The following RAB38 variants were observed in gnomAD, a reference collection of about 807,000 sequenced individuals.
RAB38 encodes ras-related protein Rab-38.
In RAB38, 15 loss-of-function variants were observed where a neutral mutation model predicts 18.4. That is an observed-to-expected ratio of 0.82 (90% CI 0.55 to 1.26). The LOEUF (loss-of-function observed/expected upper bound fraction) is 1.26. RAB38 is among the 50% of genes most tolerant of loss of function. The pLI, the probability that RAB38 is intolerant of heterozygous loss-of-function variation, is 0.00. For synonymous variants in RAB38, 101 were observed against 104.4 expected (o/e 0.97, Z 0.20); for missense variants, 294 against 267.4 (o/e 1.10, Z -0.69).
At chr11:88,045,997 A>G in the RAB38 span, among the ~76,000 whole-genome samples, 6 of 152,226 alleles carry the variant, frequency 3.9e-5, no homozygotes, top group Middle Eastern at 3.4e-3. Context: ...CCTGGGCTAC[A>G]GCCACACCTC....
the RAB38 span, among the ~76,000 whole-genome samples, chr11:87,946,720 T>G: frequency 1.3e-5 from 2 of 152,202 alleles, no homozygotes; most frequent in Non-Finnish European, 2.9e-5. Context: ...GGACATGAAC[T>G]CATCATTTTC....
At chr11:88,037,817 A>T in the RAB38 span, among the ~76,000 whole-genome samples, 5 of 152,154 alleles carry the variant, frequency 3.3e-5, no homozygotes, top group African/African-American at 1.2e-4. Context: ...ACTTGCATAT[A>T]CTTTTACTGT....
the RAB38 span, among the ~76,000 whole-genome samples, chr11:87,886,498 G>A: frequency 2.6e-5 from 4 of 151,840 alleles, no homozygotes; most frequent in Non-Finnish European, 5.9e-5. Context: ...GCTGCAAACG[G>A]GATTGTTTTC....
chr11:88,124,649 T>A (rs951370552), intron 2 of RAB38, among the ~76,000 whole-genome samples: 1 of 152,226 alleles, frequency 6.6e-6, no homozygotes, highest in South Asian at 2.1e-4. Context: ...CACAGTCAGA[T>A]AACAACTCAT....
chr11:88,021,288 A>C, the RAB38 span, among the ~76,000 whole-genome samples: 2 of 152,214 alleles, frequency 1.3e-5, no homozygotes, highest in Non-Finnish European at 2.9e-5. Flanking sequence ...TCAAAGGATC[A>C]TTAGTGGCTG....
chr11:88,152,213 T>C (rs947444876), intron 1 of RAB38, among the ~76,000 whole-genome samples: 2 of 152,248 alleles, frequency 1.3e-5, no homozygotes, highest in Non-Finnish European at 2.9e-5. Flanking sequence ...GGATGTCTTA[T>C]GATCTCTTTC....
chr11:88,074,977 T>C, the RAB38 span, among the ~76,000 whole-genome samples: 1 of 152,114 alleles, frequency 6.6e-6, no homozygotes, highest in East Asian at 1.9e-4. Flanking sequence ...TATATAATGA[T>C]AAAGGAGTCA....
chr11:88,125,057 T>C (rs1258599092), intron 2 of RAB38, among the ~76,000 whole-genome samples: 1 of 152,238 alleles, frequency 6.6e-6, no homozygotes, highest in Non-Finnish European at 1.5e-5. Context: ...GTTCATGTCC[T>C]GTGTAGTCTT....
At chr11:87,821,808 G>A in the RAB38 span, among the ~76,000 whole-genome samples, 2 of 148,434 alleles carry the variant, frequency 1.3e-5, no homozygotes, top group Non-Finnish European at 3.0e-5. Context: ...CCGAGATCCC[G>A]CCACTTCACT....
chr11:88,103,356 A>G, the RAB38 span, among the ~76,000 whole-genome samples: 1,009 of 150,486 alleles, frequency 6.7e-3, 8 homozygotes, highest in African/African-American at 0.023. Flanking sequence ...ATAAAAGTAG[A>G]GTCTTCTGAC....
the RAB38 span, among the ~76,000 whole-genome samples, chr11:87,939,793 G>T: frequency 3.9e-5 from 6 of 152,154 alleles, no homozygotes; most frequent in African/African-American, 1.2e-4. Context: ...TCAGGAGGCT[G>T]AGGTGGGAGG....
chr11:88,097,311 T>C, the RAB38 span, among the ~76,000 whole-genome samples: 1 of 151,924 alleles, frequency 6.6e-6, no homozygotes. Flanking sequence ...ATCTACCTGA[T>C]TGTGAGCTAA....
At chr11:88,158,713 A>C (rs1008899795) in intron 1 of RAB38, among the ~76,000 whole-genome samples, 2 of 152,164 alleles carry the variant, frequency 1.3e-5, no homozygotes, top group African/African-American at 4.8e-5. Context: ...GATAAAATCC[A>C]ACATCCCTTC....
chr11:87,912,738 C>T, the RAB38 span, among the ~76,000 whole-genome samples: 1 of 120,708 alleles, frequency 8.3e-6, no homozygotes, highest in South Asian at 2.7e-4. Context: ...CTTTTTTCTA[C>T]TTACTTTGGG....
chr11:87,900,827 TGAAG>T, the RAB38 span, among the ~76,000 whole-genome samples: 3 of 142,306 alleles, frequency 2.1e-5, no homozygotes, highest in South Asian at 6.7e-4. Context: ...AGGAAAGAAA[TGAAG>T]GAAGGAAAGG....
chr11:87,953,385 A>G, the RAB38 span, among the ~76,000 whole-genome samples: 2 of 151,744 alleles, frequency 1.3e-5, no homozygotes, highest in Non-Finnish European at 2.9e-5. Context: ...AAGTGCCTGG[A>G]TAGCAACTCT....
chr11:87,831,394 T>TA, the RAB38 span, among the ~76,000 whole-genome samples: 2 of 152,100 alleles, frequency 1.3e-5, no homozygotes, highest in African/African-American at 4.8e-5. Flanking sequence ...ATAGACTAAA[T>TA]AAGTGCCAAA....
chr11:88,086,066 T>C, the RAB38 span, among the ~76,000 whole-genome samples: 1 of 151,902 alleles, frequency 6.6e-6, no homozygotes, highest in Admixed American at 6.6e-5. Context: ...AGCTTCAATT[T>C]CTTCAATTAT....
the RAB38 span, among the ~76,000 whole-genome samples, chr11:87,962,511 G>A: frequency 6.6e-6 from 1 of 151,948 alleles, no homozygotes; most frequent in Admixed American, 6.6e-5. Context: ...CAGGGGGCAG[G>A]GGGGAAGAAG....
Sources: gnomAD v4.1 joint callset for allele counts (sites outside exome capture counted in the v4.1 genomes callset) on GRCh38, gnomAD v4.1.1 for gene constraint, MANE v1.5 for transcripts, NCBI Gene and HGNC (gene_info 2026-07-23, HGNC 2026-07-21) for gene names.